The following SEZ6L variants were observed in gnomAD, a reference collection of about 807,000 sequenced individuals.
The protein encoded by SEZ6L is seizure related 6 homolog like, also known as seizure 6-like protein.
SEZ6L carries 37 observed loss-of-function variants against 106.2 expected under a neutral mutation model. The observed-to-expected ratio is 0.35, with a 90% CI of 0.27 to 0.46. The LOEUF is 0.46. Ranked by LOEUF, SEZ6L falls within the 20% of genes least tolerant of loss-of-function variation. SEZ6L has a pLI of 1.00. For missense variants in SEZ6L, 1,172 were observed against 1,332.8 expected (o/e 0.88, Z 1.88); for synonymous variants, 541 against 570.4 (o/e 0.95, Z 0.73).
chr22:26,303,135 T>C (rs2081507795), intron 5 of SEZ6L, among the ~76,000 whole-genome samples: 1 of 152,240 alleles, frequency 6.6e-6, no homozygotes, highest in African/African-American at 2.4e-5. Flanking sequence ...AACCTAGGGC[T>C]GGCTTATTTC....
intron 5 of SEZ6L, among the ~76,000 whole-genome samples, chr22:26,302,231 G>T (rs1416186326): frequency 6.6e-6 from 1 of 152,112 alleles, no homozygotes; most frequent in Non-Finnish European, 1.5e-5. Flanking sequence ...AAAATTATTA[G>T]AAATGCATAA....
At chr22:26,325,755 C>G (rs1374648768) in intron 9 of SEZ6L, among the ~76,000 whole-genome samples, 2 of 57,450 alleles carry the variant, frequency 3.5e-5, no homozygotes, top group African/African-American at 8.7e-5. Flanking sequence ...CAATGGTACC[C>G]ATCTCTTCGA....
At chr22:26,283,023 C>T (rs2080822220) in intron 1 of SEZ6L, among the ~76,000 whole-genome samples, 1 of 152,076 alleles carries the variant, frequency 6.6e-6, no homozygotes, top group South Asian at 2.1e-4. Context: ...CGGGTTCAAG[C>T]GATTCTTCTG....
intron 1 of SEZ6L, among the ~76,000 whole-genome samples, chr22:26,247,400 T>A (rs1260921111): frequency 6.6e-6 from 1 of 152,140 alleles, no homozygotes. Flanking sequence ...TCTTTGCAGA[T>A]GTAATTCGTC....
At chr22:26,192,031 C>T (rs1019411423) in intron 1 of SEZ6L, among the ~76,000 whole-genome samples, 4 of 152,076 alleles carry the variant, frequency 2.6e-5, no homozygotes, top group Non-Finnish European at 5.9e-5. Flanking sequence ...CTCATTCTCC[C>T]CTGTCCATCC....
At chr22:26,290,622 G>C (rs1319899101) in intron 1 of SEZ6L, among the ~76,000 whole-genome samples, 1 of 152,246 alleles carries the variant, frequency 6.6e-6, no homozygotes, top group Non-Finnish European at 1.5e-5. Flanking sequence ...ACCAAGGTGG[G>C]AGGATCACTT....
At chr22:26,281,845 G>A (rs144966574) in intron 1 of SEZ6L, among the ~76,000 whole-genome samples, 134 of 152,228 alleles carry the variant, frequency 8.8e-4, no homozygotes, top group African/African-American at 3.1e-3. Flanking sequence ...GCTTCTGTGA[G>A]TTCAACCTTT....
At chr22:26,276,670 TTG>T (rs2080555575) in intron 1 of SEZ6L, among the ~76,000 whole-genome samples, 3 of 152,254 alleles carry the variant, frequency 2.0e-5, no homozygotes. Flanking sequence ...CACTGATTTT[TTG>T]TGTGTGTACA....
intron 1 of SEZ6L, among the ~76,000 whole-genome samples, chr22:26,275,627 T>C (rs2080517923): frequency 6.6e-6 from 1 of 152,176 alleles, no homozygotes; most frequent in East Asian, 1.9e-4. Flanking sequence ...CCCAGAGCTT[T>C]CTCTGTCATA....
chr22:26,276,625 C>T (rs137187), intron 1 of SEZ6L, among the ~76,000 whole-genome samples: 9,118 of 152,280 alleles, frequency 0.06, 850 homozygotes, highest in African/African-American at 0.2. Context: ...CCTCTCTGTG[C>T]TGACTGGTGT....
intron 2 of SEZ6L, among the ~76,000 whole-genome samples, chr22:26,293,723 T>G (rs1388038412): frequency 6.6e-6 from 1 of 152,228 alleles, no homozygotes; most frequent in Non-Finnish European, 1.5e-5. Flanking sequence ...CAAAACCTTT[T>G]CATCTTGGAA....
intron 1 of SEZ6L, among the ~76,000 whole-genome samples, chr22:26,213,878 G>A (rs537004117): frequency 2.0e-4 from 31 of 152,176 alleles, no homozygotes; most frequent in Non-Finnish European, 3.1e-4. Flanking sequence ...CCGTGATCAT[G>A]CCACTGCTCT....
Position 26,329,926 on chromosome 22 carries a change from TG to T in SEZ6L, c.2016-10509del, listed in dbSNP as rs146328309. Among the ~76,000 whole-genome samples the T allele has an allele frequency of 6.5e-3, 986 of 152,394 alleles. 9 individuals are homozygous for T. The highest frequency in any genetic ancestry group is 0.023 in the African/African-American group (942 of 41,594). On this transcript the variant is annotated intron_variant, in intron 9 of 16. Coordinates refer to ENST00000248933, the MANE Select transcript of SEZ6L (RefSeq NM_021115.5). ...AACGGAATTTACAGGTTTTGATTCT[TG>T]TTTTTCCTTTCTTTAGATCCTATGA... is the stretch of plus-strand genomic sequence containing the variant.
intron 11 of SEZ6L, among the ~76,000 whole-genome samples, chr22:26,350,211 C>CATAT (rs34286571): frequency 7.6e-4 from 111 of 145,686 alleles, no homozygotes; most frequent in South Asian, 3.4e-3. Flanking sequence ...TATATATACA[C>CATAT]ATATATATAT....
At chr22:26,294,616 G>GA (rs1601411573) in intron 3 of SEZ6L, among the ~76,000 whole-genome samples, 191 bp downstream of exon 3, 2 of 152,224 alleles carry the variant, frequency 1.3e-5, no homozygotes, top group Middle Eastern at 3.4e-3. Flanking sequence ...AGCTTGTGGG[G>GA]ATAGAGGGAA....
At chr22:26,201,263 G>A (rs1047446947) in intron 1 of SEZ6L, among the ~76,000 whole-genome samples, 5 of 151,824 alleles carry the variant, frequency 3.3e-5, no homozygotes, top group Admixed American at 1.3e-4. Context: ...GCTTACGCCT[G>A]TAATCCCAGC....
intron 12 of SEZ6L, among the ~76,000 whole-genome samples, chr22:26,355,075 C>G (rs187075798): frequency 2.0e-5 from 3 of 152,338 alleles, no homozygotes. Flanking sequence ...TTGAGGTTGT[C>G]AGACATAAAA....
intron 1 of SEZ6L, among the ~76,000 whole-genome samples, chr22:26,180,934 G>C (rs1226317511): frequency 6.6e-6 from 1 of 152,156 alleles, no homozygotes; most frequent in African/African-American, 2.4e-5. Context: ...TTCTGAATGG[G>C]GGACTCAGCA....
chr22:26,293,123 T>C lies in SEZ6L; in HGVS notation c.812T>C (p.Val271Ala), dbSNP rs2081192174. Residue 271 changes from valine (V) to alanine (A), a missense_variant, in exon 2 of 17, where the codon GTC becomes GCC. Val to Ala is a moderately conservative substitution (Grantham distance 64, BLOSUM62 0). Coordinates refer to ENST00000248933, the MANE Select transcript of SEZ6L (RefSeq NM_021115.5). The stretch of plus-strand genomic sequence containing the variant: ...ACCTCCACCATTATCACCACCACGG[T>C]CATCACCACCGAGCAGGCACCAGGT... ...TTTSTIITTT[V>A]ITTEQAPALC... is the part of the protein sequence containing the mutation. The C allele has an allele frequency of 1.9e-6, 3 of 1,569,928 alleles. No homozygotes were observed. Among genetic ancestry groups the C allele is most frequent in the Non-Finnish European group, 2.6e-6 (3 of 1,166,272 alleles).
Sources: gnomAD v4.1 joint callset for allele counts (sites outside exome capture counted in the v4.1 genomes callset) on GRCh38, gnomAD v4.1.1 for gene constraint, MANE v1.5 for transcripts, NCBI Gene and HGNC (gene_info 2026-07-23, HGNC 2026-07-21) for gene names.